Variants in CBFA2T2 observed in about 807,000 individuals in gnomAD.
The protein encoded by CBFA2T2 is protein CBFA2T2.
In CBFA2T2, 11 loss-of-function variants were observed where a neutral mutation model predicts 62.2. The ratio of observed to expected loss-of-function variants is 0.18; its 90% CI spans 0.11 to 0.29. The LOEUF (loss-of-function observed/expected upper bound fraction) is 0.29, where lower values mean the gene tolerates loss of function less well. Ranked by LOEUF, CBFA2T2 falls within the 10% of genes least tolerant of loss-of-function variation. The pLI, the probability that CBFA2T2 is intolerant of heterozygous loss-of-function variation, is 1.00. For missense variants in CBFA2T2, 592 were observed against 774.1 expected (o/e 0.76, Z 2.79); for synonymous variants, 295 against 287.5 (o/e 1.03, Z -0.27).
chr20:33,492,659 C>T (rs1432660608), intron 1 of CBFA2T2, among the ~76,000 whole-genome samples: 2 of 151,506 alleles, frequency 1.3e-5, no homozygotes, highest in South Asian at 2.1e-4. Context: ...GGACTCCAGG[C>T]GCCACCACAC....
intron 1 of CBFA2T2, among the ~76,000 whole-genome samples, chr20:33,539,197 G>T (rs146794007): frequency 6.6e-6 from 1 of 152,274 alleles, no homozygotes; most frequent in African/African-American, 2.4e-5. Flanking sequence ...AGGCCTGTTT[G>T]CTTATCTGTA....
intron 9 of CBFA2T2, chr20:33,639,699 T>C (rs1041273279): frequency 7.9e-5 from 12 of 152,460 alleles, no homozygotes; most frequent in Middle Eastern, 6.8e-3. Context: ...AGACAAGCCT[T>C]AGCAACATAG....
chr20:33,628,142 C>G (rs1235096645), intron 6 of CBFA2T2, among the ~76,000 whole-genome samples: 1 of 152,150 alleles, frequency 6.6e-6, no homozygotes, highest in Non-Finnish European at 1.5e-5. Flanking sequence ...TCGTGTTTTA[C>G]AATTGATTTG....
chr20:33,629,628 C>G (rs1436232595), intron 7 of CBFA2T2, 91 bp from the exon 8 acceptor site: 2 of 1,156,050 alleles, frequency 1.7e-6, no homozygotes, highest in Non-Finnish European at 2.5e-6. Context: ...TTTAAGGAAC[C>G]TGAATTCCTC....
At chr20:33,537,423 C>T (rs1310282389) in intron 1 of CBFA2T2, among the ~76,000 whole-genome samples, 2 of 152,208 alleles carry the variant, frequency 1.3e-5, no homozygotes, top group African/African-American at 4.8e-5. Context: ...TTGCAGTGAG[C>T]CGAGATGGCA....
At chr20:33,536,190 C>T (rs1284223932) in intron 1 of CBFA2T2, among the ~76,000 whole-genome samples, 1 of 152,194 alleles carries the variant, frequency 6.6e-6, no homozygotes, top group Non-Finnish European at 1.5e-5. Context: ...TTGGGTACAC[C>T]TCCCAGACGG....
intron 1 of CBFA2T2, among the ~76,000 whole-genome samples, chr20:33,519,868 C>T (rs1050051734): frequency 2.6e-5 from 4 of 151,898 alleles, no homozygotes; most frequent in African/African-American, 4.8e-5. Context: ...TTGGCTGAGC[C>T]GGGCACGGTG....
chr20:33,499,048 GAA>G (rs11406629), intron 1 of CBFA2T2, among the ~76,000 whole-genome samples: 8 of 137,792 alleles, frequency 5.8e-5, no homozygotes, highest in South Asian at 2.3e-4. Flanking sequence ...CGTCTAAAAA[GAA>G]AAAAAAAAAA....
At chr20:33,567,086 G>C (rs1471402580) in intron 1 of CBFA2T2, among the ~76,000 whole-genome samples, 3 of 152,128 alleles carry the variant, frequency 2.0e-5, no homozygotes, top group Non-Finnish European at 4.4e-5. Flanking sequence ...TATTATAACT[G>C]GTGTTTGTAT....
chr20:33,555,978 A>C (rs1221716875), intron 1 of CBFA2T2, among the ~76,000 whole-genome samples: 9 of 151,980 alleles, frequency 5.9e-5, no homozygotes, highest in Non-Finnish European at 1.3e-4. Context: ...CAATCCCCCA[A>C]CCTCAGCCTC....
At chr20:33,621,245 T>A (rs2122327714) in intron 4 of CBFA2T2, among the ~76,000 whole-genome samples, 1 of 151,674 alleles carries the variant, frequency 6.6e-6, no homozygotes, top group South Asian at 2.1e-4. Flanking sequence ...ATTTGTTTTC[T>A]CTCTTTTATG....
At position 33,579,818 on chromosome 20, in the gene CBFA2T2, T is replaced by TCTC. The variant is rs1491577026; in HGVS notation, c.35-27138_35-27137insCTC. ...CTTGGTGTCTCTCTCTCTCTCTCTC[T>TCTC]TTTTTTTTTTTTTGAGACGGAGTTT... On this transcript the variant is annotated intron_variant, in intron 1 of 10. Transcript: ENST00000342704. Among the ~76,000 whole-genome samples, 8 of 29,400 alleles carry TCTC rather than the reference T, an allele frequency of 2.7e-4. No homozygotes were observed. The East Asian group carries it at 7.9e-3, about 29-fold the overall frequency. 19.3% of individuals were successfully genotyped at this position (29,400 alleles called of 152,430 possible).
chr20:33,490,353 G>C, intron 1 of CBFA2T2, 52 bp downstream of exon 1: 2 of 1,256,922 alleles, frequency 1.6e-6, no homozygotes, highest in Non-Finnish European at 1.0e-6. Flanking sequence ...AGGGCCTGCG[G>C]CTCCGCAGGC....
chr20:33,582,555 G>A (rs1267019521), intron 1 of CBFA2T2, among the ~76,000 whole-genome samples: 3 of 150,720 alleles, frequency 2.0e-5, no homozygotes, highest in Non-Finnish European at 4.4e-5. Context: ...GCGCGGTGGC[G>A]TACACCTGTA....
intron 5 of CBFA2T2, among the ~76,000 whole-genome samples, chr20:33,623,533 C>T (rs1309852059): frequency 6.6e-6 from 1 of 152,062 alleles, no homozygotes; most frequent in Non-Finnish European, 1.5e-5. Flanking sequence ...TCTGGGATTA[C>T]AGGCACGTGC....
chr20:33,637,867 A>G (rs946370500), intron 9 of CBFA2T2, among the ~76,000 whole-genome samples: 2 of 148,928 alleles, frequency 1.3e-5, no homozygotes, highest in Non-Finnish European at 3.0e-5. Context: ...AGGTTTCTCC[A>G]TGTTGGTCAG....
chr20:33,595,678 A>G (rs1250657444), intron 1 of CBFA2T2, among the ~76,000 whole-genome samples: 1 of 151,938 alleles, frequency 6.6e-6, no homozygotes, highest in Non-Finnish European at 1.5e-5. Context: ...AGCTGGGACT[A>G]TAGGTGTACG....
chr20:33,634,562 T>C (rs2016562223), intron 8 of CBFA2T2, among the ~76,000 whole-genome samples: 1 of 150,808 alleles, frequency 6.6e-6, no homozygotes, highest in Admixed American at 6.6e-5. Context: ...GTCCGGCTAC[T>C]TGGGAAGCTG....
Position 33,631,183 on chromosome 20 carries a change from G to A in CBFA2T2, c.1228+1269G>A, listed in dbSNP as rs868294300. ...CAAAAAATTAGCCAGGCGTGGTGGCGGACGCCTGTACTCCCAGCTACTGGG... is the reference window on the plus strand; with the variant it reads ...CAAAAAATTAGCCAGGCGTGGTGGCAGACGCCTGTACTCCCAGCTACTGGG... On this transcript the variant is annotated intron_variant, in intron 8 of 10. Transcript: ENST00000342704. Among the ~76,000 whole-genome samples, 8 of 152,242 alleles carry A rather than the reference G, an allele frequency of 5.3e-5. No homozygotes were observed. The South Asian group carries it at 1.0e-3, about 20-fold the overall frequency.
Sources: allele counts gnomAD v4.1 joint callset (sites outside exome capture counted in the v4.1 genomes callset), GRCh38; gene constraint gnomAD v4.1.1; transcripts MANE v1.5; gene names NCBI Gene and HGNC (gene_info 2026-07-23, HGNC 2026-07-21).